Variants in RGS6 observed in about 807,000 individuals in gnomAD.
The protein encoded by RGS6 is regulator of G protein signaling 6, also known as regulator of G-protein signaling 6.
RGS6 carries 30 observed loss-of-function variants against 78.5 expected under a neutral mutation model. The observed-to-expected ratio is 0.38, with a 90% CI of 0.29 to 0.52. The LOEUF (loss-of-function observed/expected upper bound fraction) is 0.52. RGS6 is among the 20% of genes least tolerant of loss of function. The pLI is 0.85. For synonymous variants in RGS6, 206 were observed against 206.0 expected (o/e 1.00, Z 0.00); for missense variants, 495 against 609.7 (o/e 0.81, Z 1.98).
intron 3 of RGS6, among the ~76,000 whole-genome samples, chr14:72,454,074 A>C (rs2095567093): frequency 6.6e-6 from 1 of 152,210 alleles, no homozygotes; most frequent in African/African-American, 2.4e-5. Context: ...TTCTGCCACA[A>C]ATGCAGGGAC....
At chr14:72,353,096 C>T (rs758920734) in intron 3 of RGS6, among the ~76,000 whole-genome samples, 32 of 152,116 alleles carry the variant, frequency 2.1e-4, no homozygotes, top group African/African-American at 7.2e-4. Flanking sequence ...ATTGGTGATA[C>T]GAATGGAAAA....
At chr14:72,103,453 C>T (rs1020957140) in intron 2 of RGS6, among the ~76,000 whole-genome samples, 1 of 152,172 alleles carries the variant, frequency 6.6e-6, no homozygotes, top group Non-Finnish European at 1.5e-5. Context: ...AGGAGGAAAA[C>T]AACAACTTTC....
intron 2 of RGS6, among the ~76,000 whole-genome samples, chr14:72,028,028 T>G (rs759515578): frequency 2.0e-5 from 3 of 152,248 alleles, no homozygotes; most frequent in Non-Finnish European, 4.4e-5. Flanking sequence ...GGTGACTGCG[T>G]GTTTGTGCTG....
chr14:72,612,601 G>A, the RGS6 span: 1 of 518,996 alleles, frequency 1.9e-6, no homozygotes, highest in Non-Finnish European at 3.8e-6. Context: ...GCAGGGAAGG[G>A]AGAGGGCAGG....
At chr14:72,480,182 C>T (rs2096341327) in intron 12 of RGS6, among the ~76,000 whole-genome samples, 1 of 152,206 alleles carries the variant, frequency 6.6e-6, no homozygotes, top group Admixed American at 6.5e-5. Context: ...CTTTCAGGAT[C>T]CGGTGAAGCC....
intron 2 of RGS6, among the ~76,000 whole-genome samples, chr14:72,149,842 A>G (rs76101699): frequency 0.018 from 2,676 of 152,284 alleles, 72 homozygotes; most frequent in African/African-American, 0.061. Flanking sequence ...ACCTTATGCC[A>G]GTCAAAAACA....
chr14:72,378,075 C>G (rs1253433083), intron 3 of RGS6, among the ~76,000 whole-genome samples: 2 of 152,074 alleles, frequency 1.3e-5, no homozygotes, highest in African/African-American at 4.8e-5. Context: ...TGAAACTATA[C>G]AAATACACAA....
At position 72,211,111 on chromosome 14, in the gene RGS6, G is replaced by T. The variant is rs1307143959; in HGVS notation, c.85-140984G>T. 3.3e-5 allele frequency among the ~76,000 whole-genome samples: 5 copies of T among 152,156 alleles called. No individual in the cohort carries two copies. In the East Asian group the frequency reaches 9.6e-4, roughly 29 times the overall value. On this transcript the variant is annotated intron_variant, in intron 2 of 17. Transcript: ENST00000553525. ...AGACAAATATATGTGAACAGAGCAG[G>T]TCACTGACACTAATCTTGGCCATAA...
At position 71,956,355 on chromosome 14, in the gene RGS6, G is replaced by GTATATA. The variant is rs34565698; in HGVS notation, c.-20-8416_-20-8415insATATAT. On this transcript the variant is annotated intron_variant, in intron 1 of 17. Transcript: ENST00000553525. ...AGTGTGTGTGTGTGTGTGTGTGTGT[G>GTATATA]TGTATATTCTATTTTTATATATACA... Among the ~76,000 whole-genome samples the GTATATA allele has an allele frequency of 4.5e-3, 570 of 126,660 alleles. 4 individuals carry two copies. Among genetic ancestry groups the GTATATA allele is most frequent in the African/African-American group, 0.015 (522 of 34,880 alleles). The allele number at this position is 126,660 out of a possible 152,430, so 83.1% of individuals were successfully genotyped here.
intron 3 of RGS6, among the ~76,000 whole-genome samples, chr14:72,378,964 C>A (rs554930969): frequency 1.2e-4 from 18 of 152,052 alleles, no homozygotes; most frequent in Non-Finnish European, 2.4e-4. Context: ...TCCAACAACA[C>A]ATCAAAAAGA....
rs545821943 is a variant in RGS6 at position 72,518,390 on chromosome 14, A to G, written c.1131A>G (p.Leu377=). The change falls in exon 15 of 18, where the codon CTA becomes CTG. Residue 377 remains leucine, a synonymous_variant. Coordinates refer to ENST00000553525, the MANE Select transcript of RGS6 (RefSeq NM_001204424.2). ...LAVQDLKKQP[L]QDVAKRVEEI... ...TCCAAGATCTTAAGAAACAACCCCT[A>G]CAGGATGTGGCCAAGAGGGTAGAAG... is the stretch of plus-strand genomic sequence containing the variant. 7.4e-6 allele frequency: 12 copies of G among 1,614,008 alleles called. No homozygotes were observed. The highest frequency in any genetic ancestry group is 1.7e-5 in the Admixed American group (1 of 60,014).
chr14:72,231,764 G>A (rs949036120), intron 2 of RGS6, among the ~76,000 whole-genome samples: 3 of 152,286 alleles, frequency 2.0e-5, no homozygotes, highest in South Asian at 4.1e-4. Context: ...AGGGAAGAGC[G>A]TGTTCGAGAG....
chr14:72,030,669 T>C (rs760595687), intron 2 of RGS6, among the ~76,000 whole-genome samples: 6 of 152,208 alleles, frequency 3.9e-5, no homozygotes, highest in Non-Finnish European at 5.9e-5. Flanking sequence ...TTATGTAAGA[T>C]AAGTGGAGCG....
intron 3 of RGS6, among the ~76,000 whole-genome samples, chr14:72,422,111 T>G (rs971896596): frequency 2.0e-5 from 3 of 152,224 alleles, no homozygotes; most frequent in Admixed American, 6.5e-5. Flanking sequence ...GCTCTCCCTT[T>G]GCCTGCTGCC....
intron 2 of RGS6, among the ~76,000 whole-genome samples, chr14:72,190,614 G>C (rs963966984): frequency 2.0e-5 from 3 of 152,206 alleles, no homozygotes; most frequent in African/African-American, 7.2e-5. Context: ...CCCTTATGGG[G>C]CTTTCAGGGA....
chr14:72,138,507 A>T, intron 2 of RGS6, among the ~76,000 whole-genome samples: 1 of 143,860 alleles, frequency 7.0e-6, no homozygotes, highest in African/African-American at 2.6e-5. Flanking sequence ...TCTATCTCAG[A>T]AGATAGAAGA....
At chr14:72,391,581 A>G (rs1022005859) in intron 3 of RGS6, among the ~76,000 whole-genome samples, 2 of 152,122 alleles carry the variant, frequency 1.3e-5, no homozygotes, top group African/African-American at 2.4e-5. Context: ...TCCTTTATCC[A>G]TTTAACATCT....
chr14:72,219,516 C>G (rs2046367304), intron 2 of RGS6, among the ~76,000 whole-genome samples: 1 of 152,148 alleles, frequency 6.6e-6, no homozygotes, highest in Non-Finnish European at 1.5e-5. Flanking sequence ...CATTTAAATG[C>G]AATCTTTGAT....
intron 2 of RGS6, among the ~76,000 whole-genome samples, chr14:72,173,319 C>T (rs2097053902): frequency 6.6e-6 from 1 of 152,094 alleles, no homozygotes. Context: ...GTGGATAAAC[C>T]TCTAGAACCA....
Sources: gnomAD v4.1 joint callset for allele counts (sites outside exome capture counted in the v4.1 genomes callset) on GRCh38, gnomAD v4.1.1 for gene constraint, MANE v1.5 for transcripts, NCBI Gene and HGNC (gene_info 2026-07-23, HGNC 2026-07-21) for gene names.